Variants in ADAMTSL1 observed in about 807,000 individuals in gnomAD.
ADAMTSL1 encodes the protein ADAMTS-like protein 1.
ADAMTSL1 carries 126 observed loss-of-function variants against 201.8 expected under a neutral mutation model. The ratio of observed to expected loss-of-function variants is 0.62; its 90% CI spans 0.54 to 0.72. The LOEUF is 0.72. Among genes scored for constraint, ADAMTSL1 ranks in the 30% least tolerant of loss-of-function variants. ADAMTSL1 has a pLI of 0.00. For synonymous variants in ADAMTSL1, 1,121 were observed against 903.4 expected (o/e 1.24, Z -4.32); for missense variants, 2,679 against 2,277.8 (o/e 1.18, Z -3.59).
At chr9:18,600,294 C>T (rs1043775439) in intron 4 of ADAMTSL1, among the ~76,000 whole-genome samples, 8 of 152,160 alleles carry the variant, frequency 5.3e-5, no homozygotes, top group Non-Finnish European at 8.8e-5. Context: ...CCATGCCAGA[C>T]ACTCCCAAGT....
chr9:18,209,705 A>C (rs1829792585), intron 2 of ADAMTSL1, among the ~76,000 whole-genome samples: 1 of 152,168 alleles, frequency 6.6e-6, no homozygotes, highest in Non-Finnish European at 1.5e-5. Context: ...TCATGTAAAC[A>C]CACCTCCAAC....
At chr9:18,061,845 C>A (rs1010136401) in intron 1 of ADAMTSL1, among the ~76,000 whole-genome samples, 9 of 152,198 alleles carry the variant, frequency 5.9e-5, no homozygotes, top group Non-Finnish European at 1.3e-4. Context: ...GTTTCAAAAT[C>A]TCCCGTGATA....
intron 2 of ADAMTSL1, among the ~76,000 whole-genome samples, chr9:18,399,280 C>CAT (rs561622408): frequency 0.028 from 862 of 30,850 alleles, 17 homozygotes; most frequent in Non-Finnish European, 0.037. Flanking sequence ...GTCTGCTTTA[C>CAT]ATATATATAT....
chr9:18,027,995 G>T (rs79468931), intron 1 of ADAMTSL1, among the ~76,000 whole-genome samples: 6,678 of 151,982 alleles, frequency 0.044, 188 homozygotes, highest in African/African-American at 0.081. Flanking sequence ...TACTATTCTT[G>T]GTTTAAAATC....
intron 2 of ADAMTSL1, among the ~76,000 whole-genome samples, chr9:18,322,695 G>A (rs889874961): frequency 6.6e-6 from 1 of 151,910 alleles, no homozygotes; most frequent in African/African-American, 2.4e-5. Context: ...CAATAGAGGA[G>A]ACAAGAAGAA....
At chr9:18,211,086 C>G (rs958517014) in intron 2 of ADAMTSL1, among the ~76,000 whole-genome samples, 1 of 152,124 alleles carries the variant, frequency 6.6e-6, no homozygotes, top group Non-Finnish European at 1.5e-5. Flanking sequence ...TAGACGACCT[C>G]TCTAACCCTG....
chr9:17,945,216 T>A (rs1827409670), intron 1 of ADAMTSL1, among the ~76,000 whole-genome samples: 1 of 141,980 alleles, frequency 7.0e-6, no homozygotes, highest in South Asian at 2.4e-4. Flanking sequence ...CATGAAAAAA[T>A]GCTCACCATC....
intron 1 of ADAMTSL1, among the ~76,000 whole-genome samples, chr9:18,094,439 C>T (rs1011110935): frequency 9.9e-5 from 15 of 152,128 alleles, no homozygotes; most frequent in African/African-American, 3.6e-4. Flanking sequence ...TCCTCCTTCC[C>T]CCATACACCC....
At chr9:18,770,489 C>A in intron 16 of ADAMTSL1, 113 bp from the exon 17 acceptor site, 1 of 1,142,892 alleles carries the variant, frequency 8.7e-7, no homozygotes, top group Non-Finnish European at 1.2e-6. Context: ...TTTTCTTCTT[C>A]TTCTGGATTT....
At chr9:18,428,302 G>A (rs982938023) in intron 2 of ADAMTSL1, among the ~76,000 whole-genome samples, 15 of 151,896 alleles carry the variant, frequency 9.9e-5, no homozygotes, top group East Asian at 1.9e-4. Context: ...AATTGGGGCC[G>A]GGTTTGCCAT....
At chr9:18,208,888 TC>T (rs139955145) in intron 2 of ADAMTSL1, among the ~76,000 whole-genome samples, 66 of 152,316 alleles carry the variant, frequency 4.3e-4, no homozygotes, top group African/African-American at 1.6e-3. Context: ...AAACCAGACT[TC>T]TAAACTTGAT....
chr9:18,002,736 C>G (rs1233425103), intron 1 of ADAMTSL1, among the ~76,000 whole-genome samples: 3 of 151,896 alleles, frequency 2.0e-5, no homozygotes, highest in Non-Finnish European at 4.4e-5. Context: ...ATATTGTTAG[C>G]TCTTTTATTT....
intron 1 of ADAMTSL1, among the ~76,000 whole-genome samples, chr9:17,938,333 G>C (rs1214280777): frequency 6.6e-6 from 1 of 152,088 alleles, no homozygotes; most frequent in African/African-American, 2.4e-5. Flanking sequence ...TGAATTTCAT[G>C]TAATTTGAGT....
chr9:18,097,615 A>G (rs1350704170), intron 1 of ADAMTSL1, among the ~76,000 whole-genome samples: 1 of 152,162 alleles, frequency 6.6e-6, no homozygotes, highest in Non-Finnish European at 1.5e-5. Flanking sequence ...AATCTAATGC[A>G]TGTGTACAAT....
At chr9:18,840,759 G>A (rs1478437570) in intron 23 of ADAMTSL1, among the ~76,000 whole-genome samples, 2 of 150,512 alleles carry the variant, frequency 1.3e-5, no homozygotes, top group African/African-American at 4.9e-5. Flanking sequence ...CACATCCCTT[G>A]TAAGTTGGAT....
chr9:18,824,991 C>T (rs186384218), intron 21 of ADAMTSL1, among the ~76,000 whole-genome samples: 3 of 152,110 alleles, frequency 2.0e-5, no homozygotes, highest in African/African-American at 4.8e-5. Flanking sequence ...CCATCACGCC[C>T]GGCCAGGACT....
chr9:17,933,469 G>A (rs1826882869), intron 1 of ADAMTSL1, among the ~76,000 whole-genome samples: 1 of 152,140 alleles, frequency 6.6e-6, no homozygotes, highest in Non-Finnish European at 1.5e-5. Context: ...CCACACCCAT[G>A]GATGGATTCT....
At chr9:17,949,685 C>A (rs1827652496) in intron 1 of ADAMTSL1, among the ~76,000 whole-genome samples, 1 of 152,112 alleles carries the variant, frequency 6.6e-6, no homozygotes. Flanking sequence ...GAGGCCCTTT[C>A]TTATCTTTCT....
intron 16 of ADAMTSL1, among the ~76,000 whole-genome samples, chr9:18,761,972 G>A (rs1398651586): frequency 1.3e-5 from 2 of 152,176 alleles, no homozygotes; most frequent in South Asian, 2.1e-4. Context: ...GCAGCTTCTG[G>A]CTAATGATAA....
Sources: gnomAD v4.1 joint callset for allele counts (sites outside exome capture counted in the v4.1 genomes callset) on GRCh38, gnomAD v4.1.1 for gene constraint, MANE v1.5 for transcripts, NCBI Gene and HGNC (gene_info 2026-07-23, HGNC 2026-07-21) for gene names.